CALB1: variants seen among roughly 807,000 people sequenced by gnomAD.
CALB1 encodes calbindin.
Under a neutral mutation model 46.7 loss-of-function variants are expected in CALB1, and 16 were observed. The ratio of observed to expected loss-of-function variants is 0.34; its 90% confidence interval spans 0.23 to 0.52. CALB1 has a LOEUF of 0.52. CALB1 is among the 20% of genes least tolerant of loss of function. CALB1 has a pLI of 0.95. For synonymous variants in CALB1, 90 were observed against 112.8 expected, an observed-to-expected ratio of 0.80 and a Z score of 1.28; for missense variants, 224 against 300.3, an observed-to-expected ratio of 0.75 and a Z score of 1.88.
At chr8:90,074,831 G>A (rs1814591676) in intron 3 of CALB1, among the ~76,000 whole-genome samples, 1 of 152,154 alleles carries the variant, frequency 6.6e-6, no homozygotes, top group Non-Finnish European at 1.5e-5. Context: ...TTGCCAAAAG[G>A]ATCAGGTGAA....
intron 2 of CALB1, among the ~76,000 whole-genome samples, chr8:90,078,860 A>G (rs1331836687): frequency 6.6e-6 from 1 of 152,044 alleles, no homozygotes; most frequent in Non-Finnish European, 1.5e-5. Context: ...TCATTCTAAC[A>G]TAATGTTTTA....
At position 90,069,139 on chromosome 8, in the gene CALB1, G is replaced by A; in HGVS notation, c.315+15C>T. 1 of 1,612,694 alleles carries A rather than the reference G, an allele frequency of 6.2e-7. No homozygotes were observed. The highest frequency in any genetic ancestry group is 8.5e-7 in the Non-Finnish European group (1 of 1,178,738). The stretch of plus-strand genomic sequence containing the variant: ...TACTTTAAGCAGCTTTCTTAAAGGG[G>A]CAGCTTTCTTATACCTTCATGAATT... On this transcript the variant is annotated intron_variant, in intron 4 of 10. Coordinates refer to ENST00000265431, the MANE Select transcript of CALB1 (RefSeq NM_004929.4).
At chr8:90,081,361 G>A (rs1417167048) in intron 2 of CALB1, 1 of 318,228 alleles carries the variant, frequency 3.1e-6, no homozygotes, top group African/African-American at 2.2e-5. Context: ...CAGAAATGAA[G>A]ATCTTTTCTT....
At chr8:90,063,501 T>C (rs1276443146) in intron 6 of CALB1, 40 bp from the exon 7 acceptor site, 1 of 1,524,648 alleles carries the variant, frequency 6.6e-7, no homozygotes, top group Non-Finnish European at 9.1e-7. Context: ...ATTTGAGGAA[T>C]AATTTATTGC....
At chr8:90,076,396 C>G (rs1469577306) in intron 3 of CALB1, among the ~76,000 whole-genome samples, 2 of 151,922 alleles carry the variant, frequency 1.3e-5, no homozygotes, top group Non-Finnish European at 2.9e-5. Context: ...TTTTCTGTGA[C>G]CTTAGGCAAA....
intron 6 of CALB1, among the ~76,000 whole-genome samples, chr8:90,065,680 G>C (rs1347120397): frequency 6.6e-6 from 1 of 151,784 alleles, no homozygotes; most frequent in Admixed American, 6.6e-5. Flanking sequence ...GGAAGAAAAT[G>C]CTCATATGTT....
chr8:90,062,120 T>C (rs1814312081), intron 9 of CALB1: 1 of 151,944 alleles, frequency 6.6e-6, no homozygotes, highest in African/African-American at 2.4e-5. Context: ...TGGTGTTAGG[T>C]AAACTATACA....
At chr8:90,064,870 CTAG>C (rs1179849037) in intron 6 of CALB1, among the ~76,000 whole-genome samples, 19 of 151,816 alleles carry the variant, frequency 1.3e-4, no homozygotes, top group Admixed American at 1.1e-3. Flanking sequence ...TAGTAAAGTT[CTAG>C]TAGTTCCCCC....
chr8:90,074,115 A>C lies in CALB1; in HGVS notation c.231+4258T>G, dbSNP rs531608046. ...GGTAAATAACTTTATCAAAAATGTA[A>C]AGCTCTTTCAGTTTAATAATTTGAA... On this transcript the variant is annotated intron_variant, in intron 3 of 10. Coordinates refer to ENST00000265431, the MANE Select transcript of CALB1 (RefSeq NM_004929.4). Among the ~76,000 whole-genome samples, 15 of 152,288 alleles carry C rather than the reference A, an allele frequency of 9.8e-5. No individual in the cohort carries two copies. The South Asian group carries it at 3.1e-3, about 32-fold the overall frequency.
At chr8:90,066,270 C>T (rs1232437938) in intron 5 of CALB1, among the ~76,000 whole-genome samples, 4 of 151,958 alleles carry the variant, frequency 2.6e-5, no homozygotes, top group East Asian at 1.9e-4. Flanking sequence ...CTGAATAAAA[C>T]CTTTTAAAAC....
chr8:90,069,449 CTTTGGCCAGTGAG>C (rs1814460705), intron 3 of CALB1, among the ~76,000 whole-genome samples: 1 of 152,152 alleles, frequency 6.6e-6, no homozygotes. Flanking sequence ...GTGCTTGGTT[CTTTGGCCAGTGAG>C]GTGGCCGCAG....
At chr8:90,060,956 T>C (rs145524711) in intron 9 of CALB1, 1 of 435,090 alleles carries the variant, frequency 2.3e-6, no homozygotes, top group East Asian at 4.4e-5. Context: ...TGTAATTCAC[T>C]TAATGTTAAT....
intron 3 of CALB1, among the ~76,000 whole-genome samples, chr8:90,071,962 T>C (rs567409704): frequency 6.6e-4 from 101 of 152,326 alleles, no homozygotes; most frequent in Admixed American, 3.5e-3. Flanking sequence ...GTATCTAGCA[T>C]GTTATATGCC....
chr8:90,078,361 T>C lies in CALB1; in HGVS notation c.231+12A>G. The C allele has an allele frequency of 6.6e-7, 1 of 1,516,264 alleles. No individual in the cohort carries two copies. The highest frequency in any genetic ancestry group is 2.3e-5 in the East Asian group (1 of 43,898). The allele number at this position is 1,516,264 out of a possible 1,614,324, so 93.9% of individuals were successfully genotyped here. On this transcript the variant is annotated intron_variant, in intron 3 of 10. Transcript: ENST00000265431. The stretch of plus-strand genomic sequence containing the variant: ...ATTAAAATTAAATCAGAAAAATGCA[T>C]AAATTCCTTACCTCTACAATTCCTA...
chr8:90,070,689 A>G (rs1158461504), intron 3 of CALB1, among the ~76,000 whole-genome samples: 1 of 152,194 alleles, frequency 6.6e-6, no homozygotes, highest in Non-Finnish European at 1.5e-5. Flanking sequence ...CTAGTTATAA[A>G]ACATTTTCTT....
At chr8:90,068,220 G>A (rs1277006290) in intron 5 of CALB1, among the ~76,000 whole-genome samples, 1 of 152,090 alleles carries the variant, frequency 6.6e-6, no homozygotes, top group Admixed American at 6.6e-5. Flanking sequence ...TGAGAGGAAG[G>A]ATTTATTACA....
At chr8:90,069,290 T>C (rs1308950399) in intron 3 of CALB1, 53 bp from the exon 4 acceptor site, 1 of 1,349,132 alleles carries the variant, frequency 7.4e-7, no homozygotes, top group East Asian at 2.3e-5. Context: ...CAAAAACAAG[T>C]CTCTGCCATT....
Position 90,059,922 on chromosome 8 carries a change from G to T in CALB1, c.*251C>A. On this transcript the variant is annotated 3_prime_UTR_variant, in exon 11 of 11. Transcript: ENST00000265431. ...ACTATATTTGTGAAAGCAAGAATATGTTATTTTTTAAAATTGGGTGTACTG... is the reference window on the plus strand; with the variant it reads ...ACTATATTTGTGAAAGCAAGAATATTTTATTTTTTAAAATTGGGTGTACTG... 1 of 353,618 alleles carries T rather than the reference G, an allele frequency of 2.8e-6. No individual in the cohort carries two copies. The highest frequency in any genetic ancestry group is 5.1e-6 in the Non-Finnish European group (1 of 197,048). 21.9% of individuals were successfully genotyped at this position (353,618 alleles called of 1,614,324 possible).
chr8:90,071,735 A>C (rs191688441), intron 3 of CALB1, among the ~76,000 whole-genome samples: 1 of 152,346 alleles, frequency 6.6e-6, no homozygotes, highest in African/African-American at 2.4e-5. Context: ...AGGGTTCTGC[A>C]TGATATAGAA....
Sources: allele counts gnomAD v4.1 joint callset (sites outside exome capture counted in the v4.1 genomes callset), GRCh38; gene constraint gnomAD v4.1.1; transcripts MANE v1.5; gene names NCBI Gene and HGNC (gene_info 2026-07-23, HGNC 2026-07-21).